The following OPA1 variants were observed in gnomAD, a reference collection of about 807,000 sequenced individuals.
OPA1 encodes the protein dynamin-like GTPase OPA1, mitochondrial.
In OPA1, 59 loss-of-function variants were observed where a neutral mutation model predicts 152.9. The ratio of observed to expected loss-of-function variants is 0.39; its 90% CI spans 0.31 to 0.48. OPA1 has a LOEUF of 0.48. OPA1 is among the 20% of genes least tolerant of loss of function. OPA1 has a pLI of 0.96. For synonymous variants in OPA1, 400 were observed against 389.9 expected, an observed-to-expected ratio of 1.03 and a Z score of -0.31; for missense variants, 1,008 against 1,216.8, an observed-to-expected ratio of 0.83 and a Z score of 2.55.
chr3:193,655,872 A>G lies in OPA1; in HGVS notation c.2178+845A>G, dbSNP rs1003208113. Among the ~76,000 whole-genome samples the G allele has an allele frequency of 3.9e-5, 6 of 152,262 alleles. No individual in the cohort carries two copies. The East Asian group carries it at 1.2e-3, about 29-fold the overall frequency. On this transcript the variant is annotated intron_variant, in intron 22 of 30. Transcript: ENST00000361510. ...CTCACAAAATTGAAGTCAATGTTAA[A>G]AGTAATTTTGTTTTTCATACCTATC... is the stretch of plus-strand genomic sequence containing the variant.
chr3:193,670,549 G>A (rs1404270845), intron 29 of OPA1, among the ~76,000 whole-genome samples: 1 of 151,888 alleles, frequency 6.6e-6, no homozygotes, highest in African/African-American at 2.4e-5. Flanking sequence ...TGTATTTTTA[G>A]TAGAGACGGG....
intron 1 of OPA1, among the ~76,000 whole-genome samples, chr3:193,611,027 C>T (rs949924764): frequency 1.1e-4 from 16 of 152,200 alleles, no homozygotes; most frequent in Non-Finnish European, 1.5e-4. Flanking sequence ...ATGCTCGGTG[C>T]GCTGCACCCA....
At chr3:193,616,993 G>T (rs1729121859) in intron 3 of OPA1, among the ~76,000 whole-genome samples, 185 bp from the exon 4 acceptor site, 1 of 152,218 alleles carries the variant, frequency 6.6e-6, no homozygotes, top group South Asian at 2.1e-4. Flanking sequence ...GCCTGGGCTG[G>T]AACCCGGGCT....
Position 193,668,410 on chromosome 3 carries a change from C to T in OPA1, c.2983+1130C>T, listed in dbSNP as rs2109292642. ...TGACACTTCTTTTACCTTGTCTGGG[C>T]TCTGACATCCGTGCCAGGTTGCTCT... On this transcript the variant is annotated intron_variant, in intron 29 of 30. Coordinates refer to ENST00000361510, the MANE Select transcript of OPA1 (RefSeq NM_130837.3). 5 of 1,551,328 alleles carry T rather than the reference C, an allele frequency of 3.2e-6. No homozygotes were observed. The South Asian group carries it at 4.8e-5, about 15-fold the overall frequency.
intron 15 of OPA1, 33 bp downstream of exon 15, chr3:193,643,660 TA>T: frequency 1.3e-6 from 2 of 1,530,136 alleles, no homozygotes; most frequent in East Asian, 4.5e-5. Flanking sequence ...AATGTACTGA[TA>T]TGTTTTCTTC....
chr3:193,663,936 A>G (rs1715915144), intron 26 of OPA1, among the ~76,000 whole-genome samples: 1 of 152,162 alleles, frequency 6.6e-6, no homozygotes, highest in South Asian at 2.1e-4. Flanking sequence ...CTCGTTAACA[A>G]TAAGTTATAT....
intron 29 of OPA1, 129 bp from the exon 30 acceptor site, chr3:193,691,934 G>C: frequency 1.6e-6 from 1 of 621,654 alleles, no homozygotes; most frequent in South Asian, 2.0e-5. Context: ...GTAAAAGGTG[G>C]TATGGTGAGA....
intron 30 of OPA1, among the ~76,000 whole-genome samples, chr3:193,692,748 G>A (rs9832931): frequency 0.28 from 41,873 of 152,132 alleles, 5,902 homozygotes; most frequent in East Asian, 0.42. Context: ...TGTTGCTGAA[G>A]AATTTTAATC....
intron 1 of OPA1, among the ~76,000 whole-genome samples, chr3:193,602,459 C>T (rs769637697): frequency 2.0e-5 from 3 of 152,046 alleles, no homozygotes; most frequent in Admixed American, 6.6e-5. Context: ...TATACTTTGG[C>T]GTAATACATT....
intron 10 of OPA1, 92 bp from the exon 11 acceptor site, chr3:193,637,860 G>T: frequency 9.6e-7 from 1 of 1,038,896 alleles, no homozygotes; most frequent in South Asian, 1.4e-5. Flanking sequence ...AATTTTAAAA[G>T]ACTAAAAAAC....
chr3:193,609,167 T>C (rs1489513298), intron 1 of OPA1, among the ~76,000 whole-genome samples: 2 of 152,196 alleles, frequency 1.3e-5, no homozygotes, highest in Admixed American at 1.3e-4. Context: ...AATTTGCCAG[T>C]CCGTGTCTTT....
intron 26 of OPA1, 119 bp from the exon 27 acceptor site, chr3:193,664,761 C>T (rs536955268): frequency 2.9e-6 from 2 of 679,604 alleles, no homozygotes; most frequent in Admixed American, 2.5e-5. Flanking sequence ...TAAAGAATAA[C>T]CTTGCTTTTG....
intron 26 of OPA1, 82 bp downstream of exon 26, chr3:193,663,044 G>C: frequency 7.1e-7 from 1 of 1,401,050 alleles, no homozygotes; most frequent in East Asian, 2.3e-5. Flanking sequence ...GTGTTAGTTA[G>C]ATATTTAAGT....
At chr3:193,669,249 C>T (rs999946639) in intron 29 of OPA1, among the ~76,000 whole-genome samples, 7 of 152,238 alleles carry the variant, frequency 4.6e-5, no homozygotes, top group African/African-American at 1.7e-4. Flanking sequence ...CATTCTCTCC[C>T]TCTAGTAATA....
chr3:193,603,462 G>A (rs1241548994), intron 1 of OPA1: 2 of 152,206 alleles, frequency 1.3e-5, no homozygotes, highest in South Asian at 4.1e-4. Context: ...ACAAGTATGA[G>A]CTTCAGTCTT....
At chr3:193,658,636 C>T (rs936502126) in intron 23 of OPA1, among the ~76,000 whole-genome samples, 5 of 152,258 alleles carry the variant, frequency 3.3e-5, no homozygotes, top group African/African-American at 9.6e-5. Flanking sequence ...ATATTACCCA[C>T]GCACCCCATA....
chr3:193,625,589 A>T (rs1049903507), intron 6 of OPA1, among the ~76,000 whole-genome samples: 3 of 152,260 alleles, frequency 2.0e-5, no homozygotes, highest in Admixed American at 6.5e-5. Context: ...TTAATGTACA[A>T]CCTTTATTAA....
chr3:193,683,775 T>G (rs1003024854), intron 29 of OPA1, among the ~76,000 whole-genome samples: 1 of 152,238 alleles, frequency 6.6e-6, no homozygotes, highest in African/African-American at 2.4e-5. Flanking sequence ...GTACATTGTC[T>G]TTTTAGACAT....
At chr3:193,686,632 C>T (rs1373390059) in intron 29 of OPA1, among the ~76,000 whole-genome samples, 2 of 152,154 alleles carry the variant, frequency 1.3e-5, no homozygotes, top group African/African-American at 2.4e-5. Flanking sequence ...CCCCCACACC[C>T]TAGATTCATT....
Sources: allele counts gnomAD v4.1 joint callset (sites outside exome capture counted in the v4.1 genomes callset), GRCh38; gene constraint gnomAD v4.1.1; transcripts MANE v1.5; gene names NCBI Gene and HGNC (gene_info 2026-07-23, HGNC 2026-07-21).